Variants in AAK1 observed in about 807,000 individuals in gnomAD.
The protein encoded by AAK1 is AP2-associated protein kinase 1.
AAK1 carries 37 observed loss-of-function variants against 116.0 expected under a neutral mutation model. That is an observed-to-expected ratio of 0.32 (90% CI 0.25 to 0.42). AAK1 has a LOEUF of 0.42. Ranked by LOEUF, AAK1 falls within the 10% of genes least tolerant of loss-of-function variation. AAK1 has a pLI of 1.00. For missense variants in AAK1, 919 were observed against 1,170.6 expected (o/e 0.79, Z 3.14); for synonymous variants, 458 against 439.9 (o/e 1.04, Z -0.51).
intron 8 of AAK1, among the ~76,000 whole-genome samples, chr2:69,527,893 G>T (rs1321627985): frequency 6.6e-6 from 1 of 152,106 alleles, no homozygotes. Flanking sequence ...AATCCTCAGG[G>T]GGAAAAAAAA....
At chr2:69,514,373 G>T in intron 13 of AAK1, 98 bp downstream of exon 13, 1 of 1,426,828 alleles carries the variant, frequency 7.0e-7, no homozygotes. Context: ...AAGCAACCTG[G>T]ACCCTCATCA....
chr2:69,490,696 G>A (rs1675487855), intron 17 of AAK1, among the ~76,000 whole-genome samples: 1 of 152,008 alleles, frequency 6.6e-6, no homozygotes, highest in Non-Finnish European at 1.5e-5. Flanking sequence ...TGGGTACAGA[G>A]TTTCAGTTTC....
intron 3 of AAK1, among the ~76,000 whole-genome samples, 170 bp from the exon 4 acceptor site, chr2:69,544,714 C>T (rs145632612): frequency 2.9e-4 from 44 of 152,330 alleles, no homozygotes; most frequent in Non-Finnish European, 4.7e-4. Flanking sequence ...CTGAGATTCA[C>T]TGCTAGATCT....
intron 2 of AAK1, chr2:69,594,920 A>C: frequency 8.5e-7 from 1 of 1,171,316 alleles, no homozygotes; most frequent in Non-Finnish European, 1.3e-6. Context: ...TGCCCACTAC[A>C]GCCACTCTGC....
In AAK1 at chr2:69,468,262, C is replaced by T. The variant is rs1169496982; in HGVS notation, c.*7607G>A. On this transcript the variant is annotated 3_prime_UTR_variant, in exon 22 of 22. Transcript: ENST00000409085. Reference sequence around the variant, plus strand: ...ACAGACATAATCCTAATTTCTCAGGCAAGTAAATTGATATTAGATTTGTCT... The same window carrying T: ...ACAGACATAATCCTAATTTCTCAGGTAAGTAAATTGATATTAGATTTGTCT... 4 of 985,094 alleles carry T rather than the reference C, an allele frequency of 4.1e-6. No homozygotes were observed. In the African/African-American group the frequency reaches 5.2e-5, roughly 13 times the overall value. The allele number at this position is 985,094 out of a possible 1,614,324, so 61.0% of individuals were successfully genotyped here.
At chr2:69,535,710 G>T (rs1178083869) in intron 5 of AAK1, among the ~76,000 whole-genome samples, 1 of 151,980 alleles carries the variant, frequency 6.6e-6, no homozygotes, top group African/African-American at 2.4e-5. Context: ...CCTGAGATGG[G>T]AGTGTGCCTG....
At chr2:69,572,620 T>TAAAA (rs768419313) in intron 2 of AAK1, among the ~76,000 whole-genome samples, 1 of 106,866 alleles carries the variant, frequency 9.4e-6, no homozygotes, top group Non-Finnish European at 1.9e-5. Flanking sequence ...ACTCTGTCTT[T>TAAAA]AAAAAAAAAA....
At chr2:69,548,579 C>G (rs1671031548) in intron 3 of AAK1, among the ~76,000 whole-genome samples, 1 of 146,128 alleles carries the variant, frequency 6.8e-6, no homozygotes, top group Admixed American at 7.0e-5. Context: ...CTTTCTTTCT[C>G]TCTCTCTCTC....
chr2:69,592,578 A>C (rs1388510354), intron 2 of AAK1, among the ~76,000 whole-genome samples: 1 of 152,258 alleles, frequency 6.6e-6, no homozygotes, highest in Non-Finnish European at 1.5e-5. Flanking sequence ...TGAAAAGAGT[A>C]ACCAAAAATT....
chr2:69,542,424 T>C (rs1670760702), intron 5 of AAK1, 99 bp downstream of exon 5: 1 of 1,410,454 alleles, frequency 7.1e-7, no homozygotes. Context: ...AGGGACCATA[T>C]CTTAAATTTC....
chr2:69,527,203 A>G lies in AAK1; in HGVS notation c.975+13T>C, dbSNP rs1016695898. 6.4e-7 allele frequency: 1 copy of G among 1,560,724 alleles called. No individual in the cohort carries two copies. Among genetic ancestry groups the G allele is most frequent in the Admixed American group, 1.7e-5 (1 of 57,148 alleles). On this transcript the variant is annotated intron_variant, in intron 9 of 21. Transcript: ENST00000409085. The stretch of plus-strand genomic sequence containing the variant: ...ATAATGTTTACTCCCTTTAAATAGC[A>G]CCATTCACGTACCTGTACATTTGGA...
chr2:69,571,876 C>A (rs1225433427), intron 2 of AAK1, among the ~76,000 whole-genome samples: 2 of 152,138 alleles, frequency 1.3e-5, no homozygotes, highest in South Asian at 2.1e-4. Context: ...AAGATCTCTG[C>A]CACTCAGAGC....
intron 2 of AAK1, among the ~76,000 whole-genome samples, chr2:69,619,237 T>C (rs1293797166): frequency 3.3e-5 from 5 of 151,978 alleles, no homozygotes; most frequent in Admixed American, 3.3e-4. Context: ...CTCTCAGGAG[T>C]ATCCTCAGCC....
chr2:69,590,694 T>C (rs1205526326), intron 2 of AAK1, among the ~76,000 whole-genome samples: 1 of 152,256 alleles, frequency 6.6e-6, no homozygotes, highest in East Asian at 1.9e-4. Flanking sequence ...ATACATACTA[T>C]CTTTGGCTTA....
chr2:69,566,279 G>A (rs751838586), intron 2 of AAK1, among the ~76,000 whole-genome samples: 1 of 152,176 alleles, frequency 6.6e-6, no homozygotes, highest in Admixed American at 6.5e-5. Flanking sequence ...TTTTCCAGGA[G>A]AAAAGGTCAA....
chr2:69,586,924 G>T (rs1415921016), intron 2 of AAK1, among the ~76,000 whole-genome samples: 1 of 152,172 alleles, frequency 6.6e-6, no homozygotes, highest in Non-Finnish European at 1.5e-5. Context: ...GCAGTTAGCT[G>T]TGAGAACCAA....
intron 16 of AAK1, among the ~76,000 whole-genome samples, chr2:69,505,051 A>T (rs1195595551): frequency 6.6e-6 from 1 of 152,056 alleles, no homozygotes; most frequent in Non-Finnish European, 1.5e-5. Context: ...CATTTAAAAA[A>T]ACCTCCCTCC....
At position 69,556,895 on chromosome 2, in the gene AAK1, C is replaced by T; in HGVS notation, c.247G>A (p.Asp83Asn). The T allele has an allele frequency of 6.2e-7, 1 of 1,613,962 alleles. No homozygotes were observed. The highest frequency in any genetic ancestry group is 8.5e-7 in the Non-Finnish European group (1 of 1,179,832). The change falls in exon 3 of 22, where the codon GAT becomes AAT. Residue 83 changes from aspartate (D) to asparagine (N), a missense_variant. Asp to Asn is a conservative substitution (Grantham distance 23). Around this residue, in one of 4 missense-constraint regions of AAK1, gnomAD observed 317 missense variants for 490.4 expected, o/e 0.65. Coordinates refer to ENST00000409085, the MANE Select transcript of AAK1 (RefSeq NM_014911.5). ...ATTTCTCTCTTGCACACCTGGAGAT[C>T]ATGCTCATTGTTGACAAACATGCGT... ...LKRMFVNNEH[D>N]LQVCKREIQI...
chr2:69,482,911 C>G, intron 17 of AAK1, 99 bp from the exon 18 acceptor site: 1 of 701,276 alleles, frequency 1.4e-6, no homozygotes. Context: ...TTTTAGGGGT[C>G]AATATTTGGT....
Sources: allele counts gnomAD v4.1 joint callset (sites outside exome capture counted in the v4.1 genomes callset), GRCh38; gene constraint gnomAD v4.1.1; regional missense constraint gnomAD v4.1.1; transcripts MANE v1.5; gene names NCBI Gene and HGNC (gene_info 2026-07-23, HGNC 2026-07-21).